Variants in WDR72 observed in about 807,000 individuals in gnomAD.
WDR72 encodes the protein WD repeat domain 72.
Under a neutral mutation model 124.2 loss-of-function variants are expected in WDR72, and 120 were observed. The observed-to-expected ratio is 0.97, with a 90% CI of 0.83 to 1.12. The LOEUF is 1.12. WDR72 is among the 50% of genes most tolerant of loss of function. The probability of loss-of-function intolerance (pLI) is 0.00; values close to 1 mark genes in which losing one functional copy is unlikely to be tolerated. For missense variants in WDR72, 1,387 were observed against 1,278.8 expected (o/e 1.08, Z -1.29); for synonymous variants, 452 against 441.7 (o/e 1.02, Z -0.29).
chr15:53,523,981 T>C lies in WDR72; in HGVS notation c.3149-659A>G, dbSNP rs117483173. 6.7e-3 allele frequency among the ~76,000 whole-genome samples: 1,014 copies of C among 152,198 alleles called. 18 individuals carry two copies. In the East Asian group the frequency reaches 0.069, roughly 10 times the overall value. On this transcript the variant is annotated intron_variant, in intron 18 of 19. Transcript: ENST00000360509. Reference sequence around the variant, plus strand: ...AAACTAGTACAGAAGTCCAAAATTTTCTATAAACCCATGGTACCGACTAAT... The same window carrying C: ...AAACTAGTACAGAAGTCCAAAATTTCCTATAAACCCATGGTACCGACTAAT...
chr15:53,576,162 CGTTATA>C (rs1277833141), intron 18 of WDR72, among the ~76,000 whole-genome samples: 1 of 152,114 alleles, frequency 6.6e-6, no homozygotes, highest in Non-Finnish European at 1.5e-5. Flanking sequence ...TATGACATTG[CGTTATA>C]GTTAATCAGG....
rs910754405 is a variant in WDR72 at position 53,609,582 on chromosome 15, T to C, written c.2883A>G (p.Glu961=). The change falls in exon 17 of 20, where the codon GAA becomes GAG. Residue 961 remains glutamate, a synonymous_variant. Coordinates refer to ENST00000360509, the MANE Select transcript of WDR72 (RefSeq NM_182758.4). ...AAAGGTCAGCCTCAGGTACATGGGA[T>C]TCATTCTTACCTAGAAATATACAGA... The part of the protein sequence containing the change: ...FYSCLRNGKN[E]SHVPEADLSL... 4.3e-6 allele frequency: 7 copies of C among 1,613,256 alleles called. No homozygotes were observed. Among genetic ancestry groups the C allele is most frequent in the Admixed American group, 1.7e-5 (1 of 59,912 alleles).
intron 18 of WDR72, among the ~76,000 whole-genome samples, chr15:53,591,698 ACACACACAC>A (rs1485117326): frequency 1.0e-4 from 4 of 39,090 alleles, no homozygotes; most frequent in Middle Eastern, 9.4e-3. Context: ...ACACACACAC[ACACACACAC>A]ACACACACAC....
intron 18 of WDR72, among the ~76,000 whole-genome samples, chr15:53,579,914 A>G (rs1454104317): frequency 1.3e-5 from 2 of 152,116 alleles, no homozygotes; most frequent in Admixed American, 6.6e-5. Flanking sequence ...TCAGGGTTGA[A>G]GTAAGGACTT....
chr15:53,705,235 T>C lies in WDR72; in HGVS notation c.1103-2A>G. 1 of 1,612,476 alleles carries C rather than the reference T, an allele frequency of 6.2e-7. No individual in the cohort carries two copies. Among genetic ancestry groups the C allele is most frequent in the South Asian group, 1.1e-5 (1 of 91,062 alleles). The stretch of plus-strand genomic sequence containing the variant: ...TCCAGGTGGCAGTTACTGGTATCTC[T>C]AAAAAGAAAACAGACATAAAAAGAA... On this transcript the variant is annotated splice_acceptor_variant, in intron 10 of 19. Coordinates refer to ENST00000360509, the MANE Select transcript of WDR72 (RefSeq NM_182758.4). LOFTEE classifies it high-confidence loss of function.
At chr15:53,699,651 G>A (rs1452023873) in intron 13 of WDR72, 99 bp downstream of exon 13, 5 of 1,310,564 alleles carry the variant, frequency 3.8e-6, no homozygotes, top group Admixed American at 1.8e-5. Context: ...GTTAAAGCAA[G>A]TGAGGTCATC....
At chr15:53,651,166 C>G (rs551313043) in intron 14 of WDR72, among the ~76,000 whole-genome samples, 2 of 152,210 alleles carry the variant, frequency 1.3e-5, no homozygotes, top group African/African-American at 4.8e-5. Flanking sequence ...CTACTTTAGG[C>G]CTTCTGTTGT....
At chr15:53,704,436 T>C (rs1289518665) in intron 11 of WDR72, among the ~76,000 whole-genome samples, 1 of 152,112 alleles carries the variant, frequency 6.6e-6, no homozygotes, top group African/African-American at 2.4e-5. Flanking sequence ...TATTAGCAGT[T>C]GCCTTTGGAG....
At chr15:53,522,104 G>A (rs967958508) in intron 19 of WDR72, among the ~76,000 whole-genome samples, 1 of 152,038 alleles carries the variant, frequency 6.6e-6, no homozygotes, top group Non-Finnish European at 1.5e-5. Flanking sequence ...GAGTGAAGAG[G>A]ACTGATATAC....
At chr15:53,571,569 A>T (rs1002803046) in intron 18 of WDR72, among the ~76,000 whole-genome samples, 1 of 152,070 alleles carries the variant, frequency 6.6e-6, no homozygotes, top group African/African-American at 2.4e-5. Context: ...TTAAAGGCCG[A>T]ACAGTATTTG....
At chr15:53,575,397 A>C (rs1228411424) in intron 18 of WDR72, among the ~76,000 whole-genome samples, 1 of 152,178 alleles carries the variant, frequency 6.6e-6, no homozygotes, top group Non-Finnish European at 1.5e-5. Flanking sequence ...CACTGAAATA[A>C]AACCATGATT....
intron 15 of WDR72, 21 bp from the exon 16 acceptor site, chr15:53,613,778 A>G (rs778823505): frequency 1.4e-6 from 2 of 1,480,066 alleles, no homozygotes; most frequent in East Asian, 2.3e-5. Context: ...AAAGATTGAC[A>G]GCATATTACT....
chr15:53,759,548 T>G (rs2019013218), intron 1 of WDR72, 85 bp downstream of exon 1: 1 of 152,338 alleles, frequency 6.6e-6, no homozygotes, highest in Admixed American at 6.5e-5. Flanking sequence ...CGGGAAGGCG[T>G]GCGGCTGCAC....
intron 13 of WDR72, among the ~76,000 whole-genome samples, chr15:53,668,553 G>A (rs2015856592): frequency 6.6e-6 from 1 of 152,082 alleles, no homozygotes; most frequent in Non-Finnish European, 1.5e-5. Context: ...TCATCAGCTG[G>A]TGAAATGTTA....
chr15:53,647,476 C>G (rs533292516), intron 14 of WDR72, among the ~76,000 whole-genome samples: 1 of 152,094 alleles, frequency 6.6e-6, no homozygotes, highest in Non-Finnish European at 1.5e-5. Flanking sequence ...TAAAGAGAAA[C>G]CACACTTTTC....
chr15:53,761,850 A>G (rs1595894747), upstream of WDR72, among the ~76,000 whole-genome samples: 1 of 152,198 alleles, frequency 6.6e-6, no homozygotes, highest in Non-Finnish European at 1.5e-5. Context: ...AAAGCAGAAA[A>G]CCCACAAAAC....
chr15:53,580,513 A>G (rs978378034), intron 18 of WDR72, among the ~76,000 whole-genome samples: 1 of 152,044 alleles, frequency 6.6e-6, no homozygotes, highest in Non-Finnish European at 1.5e-5. Flanking sequence ...TTATTGGAAA[A>G]TGGCCCACTG....
intron 2 of WDR72, among the ~76,000 whole-genome samples, chr15:53,732,422 C>G (rs139860916): frequency 2.0e-5 from 3 of 152,200 alleles, no homozygotes; most frequent in African/African-American, 7.2e-5. Context: ...TGACTTGAGA[C>G]AGGGACAATT....
At chr15:53,714,844 AATACTAC>A (rs1423487654) in intron 5 of WDR72, among the ~76,000 whole-genome samples, 1 of 152,168 alleles carries the variant, frequency 6.6e-6, no homozygotes, top group Non-Finnish European at 1.5e-5. Flanking sequence ...CTGAATTATC[AATACTAC>A]ATCTAGAAGA....
Sources: gnomAD v4.1 joint callset for allele counts (sites outside exome capture counted in the v4.1 genomes callset) on GRCh38, gnomAD v4.1.1 for gene constraint, MANE v1.5 for transcripts, NCBI Gene and HGNC (gene_info 2026-07-23, HGNC 2026-07-21) for gene names.